Variants in GAS6 observed in about 807,000 individuals in gnomAD.
The protein encoded by GAS6 is growth arrest specific 6, also known as growth arrest-specific protein 6.
A neutral mutation model predicts 75.8 loss-of-function variants in GAS6; 41 were observed. The ratio of observed to expected loss-of-function variants is 0.54; its 90% confidence interval spans 0.42 to 0.70. The LOEUF is 0.70. Among genes scored for constraint, GAS6 ranks in the 30% least tolerant of loss-of-function variants. The pLI is 0.00. For missense variants in GAS6, 854 were observed against 940.2 expected, an observed-to-expected ratio of 0.91 and a Z score of 1.20; for synonymous variants, 432 against 412.6, an observed-to-expected ratio of 1.05 and a Z score of -0.57.
chr13:113,833,180 C>T (rs1594195726), intron 8 of GAS6: 1 of 1,130,210 alleles, frequency 8.8e-7, no homozygotes, highest in Admixed American at 4.2e-5. Context: ...GGGGACAGAA[C>T]CAAAGCCGGT....
chr13:113,863,678 T>C lies in GAS6; in HGVS notation c.152A>G (p.Gln51Arg). 2 of 1,519,514 alleles carry C rather than the reference T, an allele frequency of 1.3e-6. No homozygotes were observed. Among genetic ancestry groups the C allele is most frequent in the Non-Finnish European group, 1.8e-6 (2 of 1,134,258 alleles). 94.1% of individuals were successfully genotyped at this position (1,519,514 alleles called of 1,614,324 possible). Residue 51 changes from glutamine to arginine, a missense_variant, in exon 2 of 15, where the codon CAG (glutamine) becomes CGG (arginine). By Grantham distance (43) the Gln-to-Arg change is conservative. Transcript: ENST00000327773. This position sits in a 1 kb window ranked among gnomAD's most constrained non-coding sequence, Gnocchi z 9.4. ...GCCCTGCTTGGCCTCCTCGAAGACC[T>C]GAAAGGCGCGGCGCTGCCTGGGCCG... ...FLRPRQRRAF[Q>R]VFEEAKQGHL...
chr13:113,829,798 G>C (rs1215674578), intron 10 of GAS6, among the ~76,000 whole-genome samples: 3 of 150,322 alleles, frequency 2.0e-5, no homozygotes, highest in Non-Finnish European at 4.4e-5. Flanking sequence ...GAGGCCACCT[G>C]ATCCTCACCT....
chr13:113,826,874 C>CCCCCCCCCCCCCG, intron 12 of GAS6, 122 bp downstream of exon 12: 1 of 263,214 alleles, frequency 3.8e-6, no homozygotes, highest in Non-Finnish European at 6.5e-6. Flanking sequence ...CATCCCTGCC[C>CCCCCCCCCCCCCG]CGGAACCGGA....
intron 4 of GAS6, chr13:113,843,258 C>G (rs1343457306): frequency 5.8e-6 from 1 of 173,394 alleles, no homozygotes; most frequent in East Asian, 1.4e-4. Flanking sequence ...TGGGCGCCAG[C>G]GCCTGTTCAG....
chr13:113,859,415 T>G (rs1020019497), intron 2 of GAS6, among the ~76,000 whole-genome samples: 2 of 151,886 alleles, frequency 1.3e-5, no homozygotes, highest in Admixed American at 6.5e-5. Flanking sequence ...AGTATGTGTG[T>G]GCCTTGTATG....
intron 11 of GAS6, 146 bp from the exon 12 acceptor site, chr13:113,827,310 A>C (rs2051563518): frequency 1.4e-6 from 1 of 735,374 alleles, no homozygotes; most frequent in Admixed American, 2.5e-5. Context: ...TGGCCATTTC[A>C]CAGAAGGTTT....
Position 113,853,814 on chromosome 13 carries a change from G to A in GAS6, c.256-5764C>T, listed in dbSNP as rs149928680. Among the ~76,000 whole-genome samples, 498 of 152,308 alleles carry A rather than the reference G, an allele frequency of 3.3e-3. 5 individuals are homozygous for A. The highest frequency in any genetic ancestry group is 0.011 in the South Asian group (52 of 4,818). ...TTTGCAGACTCTCTGAAGAGCCGCC[G>A]TCTTACAGACCCTTGGCCTGGCAGC... is the stretch of plus-strand genomic sequence containing the variant. On this transcript the variant is annotated intron_variant, in intron 2 of 14. Transcript: ENST00000327773.
In GAS6 at chr13:113,822,166, C is replaced by T. The variant is rs892573530; in HGVS notation, c.1674G>A (p.Glu558=). Residue 558 remains glutamate, a synonymous_variant, in exon 14 of 15, where the codon GAG becomes GAA. Transcript: ENST00000327773. ...LKKQLVVLAV[E]HTALALMEIK... Reference sequence around the variant, plus strand: ...TCTCCATTAGGGCCAAGGCCGTATGCTCCACGGCCAGGACCACCAGCTGCA... The same window carrying T: ...TCTCCATTAGGGCCAAGGCCGTATGTTCCACGGCCAGGACCACCAGCTGCA... The T allele has an allele frequency of 1.3e-6, 2 of 1,568,916 alleles. No homozygotes were observed. The highest frequency in any genetic ancestry group is 2.3e-5 in the East Asian group (1 of 43,448).
chr13:113,820,682 A>C lies in GAS6; in HGVS notation c.*182T>G. On this transcript the variant is annotated 3_prime_UTR_variant, in exon 15 of 15. Coordinates refer to ENST00000327773, the MANE Select transcript of GAS6 (RefSeq NM_000820.4). ...CGCCGGCCTCCCCGCGCCCGGGCCC[A>C]CGGCTGAGTGCGCGGCGTCAGAGGC... is the stretch of plus-strand genomic sequence containing the variant. The C allele has an allele frequency of 1.4e-6, 1 of 701,616 alleles. No homozygotes were observed. The highest frequency in any genetic ancestry group is 3.0e-5 in the Admixed American group (1 of 33,840). The allele number at this position is 701,616 out of a possible 1,614,324, so 43.5% of individuals were successfully genotyped here. A position where few individuals can be genotyped will look rare whatever the true frequency, so the allele number is the denominator to read the frequency against.
intron 6 of GAS6, 100 bp from the exon 7 acceptor site, chr13:113,835,735 C>T (rs1594198243): frequency 6.6e-6 from 10 of 1,512,532 alleles, no homozygotes; most frequent in Non-Finnish European, 8.8e-6. Flanking sequence ...ACCCAGAGGT[C>T]GCATCCAGAC....
At chr13:113,831,417 C>T (rs572937320) in intron 10 of GAS6, among the ~76,000 whole-genome samples, 159 of 152,324 alleles carry the variant, frequency 1.0e-3, no homozygotes, top group Middle Eastern at 6.8e-3. Context: ...CCGGGAGACA[C>T]GTACGGCGGG....
At chr13:113,851,122 G>C (rs1054463091) in intron 2 of GAS6, among the ~76,000 whole-genome samples, 1 of 151,670 alleles carries the variant, frequency 6.6e-6, no homozygotes, top group African/African-American at 2.4e-5. Flanking sequence ...TGAGTGGGTG[G>C]ATGAGTAAAT....
intron 4 of GAS6, chr13:113,842,995 T>C (rs2051801990): frequency 2.5e-6 from 1 of 395,462 alleles, no homozygotes; most frequent in Non-Finnish European, 4.4e-6. Context: ...TATTTCCCTG[T>C]TGGGAATGTA....
At chr13:113,850,023 G>C (rs1264408895) in intron 2 of GAS6, among the ~76,000 whole-genome samples, 1 of 152,188 alleles carries the variant, frequency 6.6e-6, no homozygotes, top group Non-Finnish European at 1.5e-5. Context: ...TCCCAAGAAA[G>C]AAAGACATTT....
At chr13:113,858,696 T>C (rs576108178) in intron 2 of GAS6, among the ~76,000 whole-genome samples, 1 of 151,444 alleles carries the variant, frequency 6.6e-6, no homozygotes, top group East Asian at 1.9e-4. Flanking sequence ...TCTGTGTGTG[T>C]GACTGTGTAT....
At chr13:113,824,520 A>C (rs2051509663) in intron 12 of GAS6, among the ~76,000 whole-genome samples, 1 of 152,206 alleles carries the variant, frequency 6.6e-6, no homozygotes, top group Admixed American at 6.5e-5. Context: ...AGAAGCCAGA[A>C]GAAAAAACTT....
Position 113,839,763 on chromosome 13 carries a change from C to G in GAS6, c.431G>C (p.Cys144Ser). Residue 144 changes from cysteine (C) to serine (S), a missense_variant, in exon 5 of 15, where the codon TGT becomes TCT. By Grantham distance (112) the Cys-to-Ser change is moderately radical. Coordinates refer to ENST00000327773, the MANE Select transcript of GAS6 (RefSeq NM_000820.4). ...QDLMGNFFCL[C>S]KAGWGGRLCD... Reference sequence around the variant, plus strand: ...GAGCCGGCCCCCCCAGCCAGCTTTACACAGGCAGAAGAAGTTGCCCATGAG... The same window carrying G: ...GAGCCGGCCCCCCCAGCCAGCTTTAGACAGGCAGAAGAAGTTGCCCATGAG... The G allele has an allele frequency of 6.2e-7, 1 of 1,614,042 alleles. No homozygotes were observed.
intron 5 of GAS6, 183 bp from the exon 6 acceptor site, chr13:113,838,374 G>A (rs2051739285): frequency 3.0e-6 from 2 of 666,140 alleles, no homozygotes; most frequent in Non-Finnish European, 5.0e-6. Flanking sequence ...AGCAGGGAGG[G>A]AGACCAGGGG....
At chr13:113,858,632 T>C in intron 2 of GAS6, among the ~76,000 whole-genome samples, 1 of 125,544 alleles carries the variant, frequency 8.0e-6, no homozygotes, top group East Asian at 2.3e-4. Flanking sequence ...TGTATGCATG[T>C]CTGTGTGTTT....
Sources: allele counts gnomAD v4.1 joint callset (sites outside exome capture counted in the v4.1 genomes callset), GRCh38; gene constraint gnomAD v4.1.1; non-coding constraint Gnocchi (gnomAD v3.1); transcripts MANE v1.5; gene names NCBI Gene and HGNC (gene_info 2026-07-23, HGNC 2026-07-21).